The following ATP11A variants were observed in gnomAD, a reference collection of about 807,000 sequenced individuals.
The protein encoded by ATP11A is phospholipid-transporting ATPase IH.
ATP11A carries 81 observed loss-of-function variants against 154.4 expected under a neutral mutation model. That is an observed-to-expected ratio of 0.52 (90% confidence interval 0.44 to 0.63). The LOEUF (loss-of-function observed/expected upper bound fraction) is 0.63. Ranked by LOEUF, ATP11A falls within the 30% of genes least tolerant of loss-of-function variation. The pLI is 0.00. For synonymous variants in ATP11A, 623 were observed against 585.9 expected, an observed-to-expected ratio of 1.06 and a Z score of -0.91; for missense variants, 1,316 against 1,474.3, an observed-to-expected ratio of 0.89 and a Z score of 1.76.
intron 25 of ATP11A, among the ~76,000 whole-genome samples, chr13:112,867,563 G>A (rs144457034): frequency 2.0e-5 from 3 of 152,258 alleles, no homozygotes; most frequent in East Asian, 1.9e-4. Context: ...CCGCCTTCTC[G>A]GATCCCTGGA....
At chr13:112,826,423 G>A (rs1450509341) in intron 11 of ATP11A, among the ~76,000 whole-genome samples, 1 of 152,164 alleles carries the variant, frequency 6.6e-6, no homozygotes, top group Non-Finnish European at 1.5e-5. Context: ...CCTGTCATCG[G>A]CACATGCTTG....
intron 20 of ATP11A, chr13:112,856,955 C>G (rs1161082310): frequency 6.6e-6 from 1 of 152,250 alleles, no homozygotes; most frequent in Non-Finnish European, 1.5e-5. Flanking sequence ...AGAGCATTCA[C>G]AGACCTTCCA....
rs1033642099 is a variant in ATP11A at position 112,873,618 on chromosome 13, A to G, written c.3103A>G (p.Ile1035Val). The change falls in exon 27 of 30, where the codon ATC (isoleucine) becomes GTC (valine). Residue 1035 changes from isoleucine (I) to valine (V), a missense_variant. By Grantham distance (29) the Ile-to-Val change is conservative. Coordinates refer to ENST00000375645, the MANE Select transcript of ATP11A (RefSeq NM_015205.3). ...HYWTWINHFV[I>V]WGSLLFYVVF... ...CTGGACTTGGATCAACCATTTTGTCATCTGGGGGTCGCTGCTGTTCTACGT... is the reference window on the plus strand; with the variant it reads ...CTGGACTTGGATCAACCATTTTGTCGTCTGGGGGTCGCTGCTGTTCTACGT... The G allele has an allele frequency of 6.2e-7, 1 of 1,612,582 alleles. No homozygotes were observed. The highest frequency in any genetic ancestry group is 1.1e-5 in the South Asian group (1 of 90,836).
chr13:112,881,222 C>T (rs1001848557), intron 29 of ATP11A: 21 of 989,354 alleles, frequency 2.1e-5, no homozygotes, highest in African/African-American at 1.2e-4. Flanking sequence ...GGCCTCCTGC[C>T]GCTCCCCTTG....
rs7998508 is a variant in ATP11A at position 112,838,979 on chromosome 13, C to T, written c.1705+2728C>T. 0.015 allele frequency among the ~76,000 whole-genome samples: 2,225 copies of T among 152,314 alleles called. 59 individuals carry two copies. Among genetic ancestry groups the T allele is most frequent in the African/African-American group, 0.051 (2,102 of 41,574 alleles). ...GGCTCAGCCCTGTAGGGGGTTGCGG[C>T]TGTCAGAGCCGGATCTCACTGTTTT... is the stretch of plus-strand genomic sequence containing the variant. On this transcript the variant is annotated intron_variant, in intron 16 of 29. Coordinates refer to ENST00000375645, the MANE Select transcript of ATP11A (RefSeq NM_015205.3). This position sits in a 1 kb window ranked among gnomAD's most constrained non-coding sequence, Gnocchi z 7.3.
At chr13:112,880,946 G>T in intron 29 of ATP11A, 1 of 992,592 alleles carries the variant, frequency 1.0e-6, no homozygotes. Flanking sequence ...TGGTCTTTCG[G>T]GGGACACAGC....
chr13:112,874,686 G>A (rs1044736838), intron 27 of ATP11A, among the ~76,000 whole-genome samples: 2 of 152,206 alleles, frequency 1.3e-5, no homozygotes, highest in African/African-American at 4.8e-5. Context: ...CGTTCAGCCA[G>A]CGGCCCCTGG....
chr13:112,867,886 C>T (rs538621372), intron 25 of ATP11A, among the ~76,000 whole-genome samples: 3 of 152,302 alleles, frequency 2.0e-5, no homozygotes, highest in South Asian at 2.1e-4. Context: ...ATACTCCCAA[C>T]GGGGTTACAG....
intron 1 of ATP11A, among the ~76,000 whole-genome samples, chr13:112,725,954 G>C (rs368325297): frequency 2.6e-5 from 4 of 152,242 alleles, no homozygotes; most frequent in African/African-American, 9.6e-5. Context: ...GGGAGGGGGC[G>C]GGAAGCGGTG....
intron 2 of ATP11A, among the ~76,000 whole-genome samples, chr13:112,799,425 G>A (rs2078077028): frequency 6.6e-6 from 1 of 152,058 alleles, no homozygotes; most frequent in African/African-American, 2.4e-5. Flanking sequence ...AGATGGAGGT[G>A]GGGCAGTTCT....
chr13:112,842,926 G>A (rs1358352446), intron 17 of ATP11A, among the ~76,000 whole-genome samples: 1 of 152,238 alleles, frequency 6.6e-6, no homozygotes, highest in Non-Finnish European at 1.5e-5. Flanking sequence ...TCTGTCTTTG[G>A]GGCTGCTGCG....
intron 1 of ATP11A, among the ~76,000 whole-genome samples, chr13:112,705,357 T>G (rs1887018678): frequency 1.3e-5 from 2 of 152,112 alleles, no homozygotes; most frequent in African/African-American, 4.8e-5. Context: ...GGGGAGGGTG[T>G]GTGATGTCCT....
chr13:112,854,675 G>A (rs1377943859), intron 19 of ATP11A, 145 bp downstream of exon 19: 1 of 989,304 alleles, frequency 1.0e-6, no homozygotes, highest in African/African-American at 1.6e-5. Context: ...GCTTCTTAGG[G>A]GTCAGGTGAA....
intron 1 of ATP11A, among the ~76,000 whole-genome samples, chr13:112,719,734 A>C (rs989551376): frequency 3.3e-5 from 5 of 152,132 alleles, no homozygotes; most frequent in African/African-American, 1.2e-4. Context: ...GGTCAACAGA[A>C]TCTCCTATTT....
intron 1 of ATP11A, among the ~76,000 whole-genome samples, chr13:112,782,920 G>A (rs1347541296): frequency 6.6e-6 from 1 of 152,238 alleles, no homozygotes. Flanking sequence ...CAGGAGCATG[G>A]AAGCCTCGGC....
chr13:112,692,862 A>G (rs916536275), intron 1 of ATP11A, among the ~76,000 whole-genome samples: 4 of 152,236 alleles, frequency 2.6e-5, no homozygotes, highest in Admixed American at 1.3e-4. Context: ...GGACTAAATT[A>G]TATTTCCTTT....
At chr13:112,724,909 T>G (rs1375289101) in intron 1 of ATP11A, among the ~76,000 whole-genome samples, 2 of 152,132 alleles carry the variant, frequency 1.3e-5, no homozygotes, top group East Asian at 3.9e-4. Flanking sequence ...TTTCCAAAGG[T>G]GATCTGCCTT....
intron 25 of ATP11A, among the ~76,000 whole-genome samples, chr13:112,868,861 A>G (rs1209984403): frequency 6.6e-6 from 1 of 152,122 alleles, no homozygotes; most frequent in Non-Finnish European, 1.5e-5. Flanking sequence ...GGAAACTTAC[A>G]ATCATGGCGG....
intron 1 of ATP11A, among the ~76,000 whole-genome samples, chr13:112,699,351 T>C (rs971871012): frequency 2.0e-5 from 3 of 152,224 alleles, no homozygotes; most frequent in Non-Finnish European, 4.4e-5. Context: ...TTATTTTATT[T>C]TTTGTGGCTT....
Sources: allele counts gnomAD v4.1 joint callset (sites outside exome capture counted in the v4.1 genomes callset), GRCh38; gene constraint gnomAD v4.1.1; non-coding constraint Gnocchi (gnomAD v3.1); transcripts MANE v1.5; gene names NCBI Gene and HGNC (gene_info 2026-07-23, HGNC 2026-07-21).